KCNH1: variants seen among roughly 807,000 people sequenced by gnomAD.
The protein encoded by KCNH1 is potassium voltage-gated channel subfamily H member 1, also known as voltage-gated delayed rectifier potassium channel KCNH1.
In KCNH1, 27 loss-of-function variants were observed where a neutral mutation model predicts 69.2. That is an observed-to-expected ratio of 0.39 (90% confidence interval 0.29 to 0.54). The LOEUF (loss-of-function observed/expected upper bound fraction) is 0.54, where lower values mean the gene tolerates loss of function less well. Among genes scored for constraint, KCNH1 ranks in the 20% least tolerant of loss-of-function variants. The probability of loss-of-function intolerance (pLI) is 0.68; values close to 1 mark genes in which losing one functional copy is unlikely to be tolerated. For synonymous variants in KCNH1, 456 were observed against 487.7 expected, an observed-to-expected ratio of 0.93 and a Z score of 0.86; for missense variants, 798 against 1,261.6, an observed-to-expected ratio of 0.63 and a Z score of 5.57.
intron 2 of KCNH1, among the ~76,000 whole-genome samples, chr1:211,106,425 G>A (rs530282752): frequency 6.6e-6 from 1 of 152,216 alleles, no homozygotes; most frequent in Admixed American, 6.5e-5. Flanking sequence ...CAGAGAGAGA[G>A]AGAGGTAACA....
At chr1:211,066,817 G>A (rs1056273575) in intron 5 of KCNH1, among the ~76,000 whole-genome samples, 1 of 152,102 alleles carries the variant, frequency 6.6e-6, no homozygotes, top group African/African-American at 2.4e-5. Flanking sequence ...TGTAACTGAG[G>A]GGAAAACTGC....
intron 7 of KCNH1, among the ~76,000 whole-genome samples, chr1:210,899,051 C>A (rs1454057318): frequency 6.6e-6 from 1 of 152,114 alleles, no homozygotes; most frequent in Non-Finnish European, 1.5e-5. Flanking sequence ...CGACTATGAC[C>A]CTATTTTATA....
chr1:210,970,872 T>G (rs1002761890), intron 6 of KCNH1, among the ~76,000 whole-genome samples: 4 of 152,014 alleles, frequency 2.6e-5, no homozygotes, highest in African/African-American at 7.2e-5. Flanking sequence ...GGGAGAAAAT[T>G]TTTGCAATCT....
Position 211,090,512 on chromosome 1 carries a change from A to G in KCNH1, c.439+50T>C. The G allele has an allele frequency of 2.6e-6, 4 of 1,530,884 alleles. No individual in the cohort carries two copies. The South Asian group carries it at 5.0e-5, about 19-fold the overall frequency. The allele number at this position is 1,530,884 out of a possible 1,614,324, so 94.8% of individuals were successfully genotyped here. A position where few individuals can be genotyped will look rare whatever the true frequency, so the allele number is the denominator to read the frequency against. On this transcript the variant is annotated intron_variant, in intron 4 of 10. Coordinates refer to ENST00000271751, the MANE Select transcript of KCNH1 (RefSeq NM_172362.3). Reference sequence around the variant, plus strand: ...TAAATGCTCTGTAACAAGAGCCACAATAAAGACAAAAAAGGCATAAATGTA... The same window carrying G: ...TAAATGCTCTGTAACAAGAGCCACAGTAAAGACAAAAAAGGCATAAATGTA...
intron 1 of KCNH1, among the ~76,000 whole-genome samples, chr1:211,112,680 C>T (rs1156922984): frequency 6.6e-6 from 1 of 151,936 alleles, no homozygotes; most frequent in Non-Finnish European, 1.5e-5. Context: ...CCCAAGCAAG[C>T]AATTATAGCT....
chr1:211,126,403 G>A (rs1368176248), intron 1 of KCNH1, among the ~76,000 whole-genome samples: 3 of 152,082 alleles, frequency 2.0e-5, no homozygotes, highest in Admixed American at 1.3e-4. Flanking sequence ...CCAGCTACTC[G>A]GGAGGCTGAG....
intron 1 of KCNH1, among the ~76,000 whole-genome samples, chr1:211,107,693 T>G (rs758383907): frequency 7.2e-5 from 11 of 152,208 alleles, no homozygotes; most frequent in Non-Finnish European, 1.5e-4. Flanking sequence ...GTCCTAATTT[T>G]TCATCCCAGT....
chr1:210,805,946 G>A (rs1684541829), intron 7 of KCNH1, among the ~76,000 whole-genome samples: 1 of 152,136 alleles, frequency 6.6e-6, no homozygotes, highest in Admixed American at 6.5e-5. Flanking sequence ...CTACTCTATT[G>A]TGTGGATATT....
At chr1:210,966,085 C>T in intron 6 of KCNH1, among the ~76,000 whole-genome samples, 1 of 152,128 alleles carries the variant, frequency 6.6e-6, no homozygotes, top group East Asian at 1.9e-4. Flanking sequence ...CACCACACAT[C>T]TACAACCATC....
intron 7 of KCNH1, among the ~76,000 whole-genome samples, chr1:210,874,834 C>G (rs1399438335): frequency 1.3e-5 from 2 of 152,038 alleles, no homozygotes; most frequent in African/African-American, 4.8e-5. Flanking sequence ...AACTCATATA[C>G]CCCTAACATA....
chr1:210,869,350 GC>G (rs1686184032), intron 7 of KCNH1, among the ~76,000 whole-genome samples: 1 of 151,960 alleles, frequency 6.6e-6, no homozygotes, highest in Non-Finnish European at 1.5e-5. Context: ...TATTTTTTCT[GC>G]CCTTCATCCT....
chr1:210,761,107 C>T (rs1683508023), intron 10 of KCNH1, among the ~76,000 whole-genome samples: 1 of 150,714 alleles, frequency 6.6e-6, no homozygotes, highest in Non-Finnish European at 1.5e-5. Context: ...AAAAAATTAG[C>T]CGGGCGTAGT....
At chr1:211,129,521 T>C (rs1369322415) in intron 1 of KCNH1, among the ~76,000 whole-genome samples, 1 of 152,206 alleles carries the variant, frequency 6.6e-6, no homozygotes, top group African/African-American at 2.4e-5. Flanking sequence ...CAATCCCCCA[T>C]CTAACATCAG....
At chr1:211,078,672 A>T (rs991285806) in intron 5 of KCNH1, among the ~76,000 whole-genome samples, 1 of 152,214 alleles carries the variant, frequency 6.6e-6, no homozygotes, top group Non-Finnish European at 1.5e-5. Context: ...AGCAGGAAAG[A>T]TCTAAAATTG....
intron 3 of KCNH1, among the ~76,000 whole-genome samples, chr1:211,098,647 T>C (rs546702492): frequency 2.0e-5 from 3 of 152,236 alleles, no homozygotes; most frequent in South Asian, 2.1e-4. Context: ...TAAAACAATG[T>C]ATTAAAAGCT....
intron 5 of KCNH1, among the ~76,000 whole-genome samples, chr1:211,066,584 G>C (rs1690534108): frequency 6.6e-6 from 1 of 152,118 alleles, no homozygotes; most frequent in Admixed American, 6.6e-5. Context: ...TCACATTAGG[G>C]ATGCTCAACC....
intron 6 of KCNH1, among the ~76,000 whole-genome samples, chr1:210,928,116 G>C (rs1428703590): frequency 6.6e-6 from 1 of 151,842 alleles, no homozygotes; most frequent in African/African-American, 2.4e-5. Context: ...TAATAGTGGG[G>C]GACTTTAATA....
intron 6 of KCNH1, among the ~76,000 whole-genome samples, chr1:210,989,795 T>G (rs917166676): frequency 6.6e-6 from 1 of 152,218 alleles, no homozygotes; most frequent in South Asian, 2.1e-4. Context: ...AAATATTTCA[T>G]TATTACCTGA....
At chr1:210,982,524 G>GT (rs1330929967) in intron 6 of KCNH1, among the ~76,000 whole-genome samples, 2 of 151,932 alleles carry the variant, frequency 1.3e-5, no homozygotes, top group African/African-American at 2.4e-5. Flanking sequence ...GTGGTGTTTG[G>GT]TTTTTTGTCC....
Sources: gnomAD v4.1 joint callset for allele counts (sites outside exome capture counted in the v4.1 genomes callset) on GRCh38, gnomAD v4.1.1 for gene constraint, MANE v1.5 for transcripts, NCBI Gene and HGNC (gene_info 2026-07-23, HGNC 2026-07-21) for gene names.